The following TRPM8 variants were observed in gnomAD, a reference collection of about 807,000 sequenced individuals.
The protein encoded by TRPM8 is TRPM8 cationic channel.
A neutral mutation model predicts 133.7 loss-of-function variants in TRPM8; 110 were observed. The ratio of observed to expected loss-of-function variants is 0.82; its 90% CI spans 0.70 to 0.96. TRPM8 has a LOEUF of 0.96. Among genes scored for constraint, TRPM8 ranks in the 40% least tolerant of loss-of-function variants. TRPM8 has a pLI of 0.00. For synonymous variants in TRPM8, 535 were observed against 532.3 expected, an observed-to-expected ratio of 1.01 and a Z score of -0.07; for missense variants, 1,291 against 1,379.5, an observed-to-expected ratio of 0.94 and a Z score of 1.02.
At chr2:233,991,930 G>C (rs1692289525) in intron 21 of TRPM8, among the ~76,000 whole-genome samples, 1 of 152,076 alleles carries the variant, frequency 6.6e-6, no homozygotes, top group Non-Finnish European at 1.5e-5. Context: ...ATGATGTTAG[G>C]TTTGTAGAAT....
chr2:233,963,537 T>C lies in TRPM8; in HGVS notation c.1749+160T>C, dbSNP rs932157117. Among the ~76,000 whole-genome samples, 9 of 151,896 alleles carry C rather than the reference T, an allele frequency of 5.9e-5. 1 individual carries two copies. In the South Asian group the frequency reaches 1.9e-3, roughly 32 times the overall value. ...TCTCTGTTCCATGTTGGTGAAGGAG[T>C]GCTTGGGAGGGACCGTCCCCGGAAA... On this transcript the variant is annotated intron_variant, in intron 13 of 25. Transcript: ENST00000324695.
intron 8 of TRPM8, chr2:233,947,595 A>T (rs1691075572): frequency 7.7e-7 from 1 of 1,290,444 alleles, no homozygotes; most frequent in Non-Finnish European, 1.0e-6. Context: ...ATGTTGCATG[A>T]TGGAATTCCA....
At chr2:233,921,205 T>A (rs1177611405) in intron 1 of TRPM8, among the ~76,000 whole-genome samples, 1 of 152,080 alleles carries the variant, frequency 6.6e-6, no homozygotes, top group African/African-American at 2.4e-5. Context: ...GTGTGTATAG[T>A]TTAATGCAAT....
chr2:233,990,523 A>G (rs28901881), intron 21 of TRPM8, among the ~76,000 whole-genome samples: 10,837 of 152,074 alleles, frequency 0.071, 990 homozygotes, highest in African/African-American at 0.21. Flanking sequence ...GTGGCTGTAC[A>G]TGCTAGTACA....
rs1428429812 is a variant in TRPM8 at position 233,989,590 on chromosome 2, G to C, written c.2939+3725G>C. On this transcript the variant is annotated intron_variant, in intron 21 of 25. Coordinates refer to ENST00000324695, the MANE Select transcript of TRPM8 (RefSeq NM_024080.5). This position sits in a 1 kb window ranked among gnomAD's most constrained non-coding sequence, Gnocchi z 4.2. ...AAGTTGTTCAGGGCTTACTCTGTGA[G>C]CAGATGGCCCCAGGATGTGACCCTT... Among the ~76,000 whole-genome samples, 1 of 152,206 alleles carries C rather than the reference G, an allele frequency of 6.6e-6. No homozygotes were observed. Among genetic ancestry groups the C allele is most frequent in the Non-Finnish European group, 1.5e-5 (1 of 68,042 alleles).
rs143749206 is a variant in TRPM8, at chr2:233,937,383, G to A, written c.222G>A (p.Gln74=). 8 of 1,614,044 alleles carry A rather than the reference G, an allele frequency of 5.0e-6. No individual in the cohort carries two copies. In the African/African-American group the frequency reaches 9.3e-5, roughly 19 times the overall value. Residue 74 remains glutamine (Q), a synonymous_variant, in exon 4 of 26, where the codon CAG becomes CAA. Coordinates refer to ENST00000324695, the MANE Select transcript of TRPM8 (RefSeq NM_024080.5). The stretch of plus-strand genomic sequence containing the variant: ...ATGTGTGCAAGTGTGGCTATGCCCA[G>A]AGCCAGCACATGGAAGGCACCCAGA... ...TENVCKCGYA[Q]SQHMEGTQIN...
intron 2 of TRPM8, among the ~76,000 whole-genome samples, chr2:233,928,846 A>G (rs137875517): frequency 6.6e-6 from 1 of 152,144 alleles, no homozygotes; most frequent in South Asian, 2.1e-4. Context: ...TATAACCACT[A>G]TCCTGAATTT....
At chr2:233,967,409 G>A (rs1041138899) in intron 15 of TRPM8, among the ~76,000 whole-genome samples, 1 of 152,212 alleles carries the variant, frequency 6.6e-6, no homozygotes, top group African/African-American at 2.4e-5. Context: ...AAGAGATGGA[G>A]AGACCAACGC....
Position 233,966,699 on chromosome 2 carries a change from C to G in TRPM8, c.1969C>G (p.Leu657Val). Residue 657 changes from leucine to valine, a missense_variant, in exon 15 of 26, where the codon CTG (leucine) becomes GTG (valine). Leu to Val is a conservative substitution (Grantham distance 32, BLOSUM62 1). Transcript: ENST00000324695. ...TGAAGCTTGGGGTGGAAGCAACTGT[C>G]TGGAGCTGGCGGTGGAGGCCACAGA... Reference protein sequence around the residue: ...SCEAWGGSNCLELAVEATDQH... With the variant: ...SCEAWGGSNCVELAVEATDQH... 1 of 1,612,680 alleles carries G rather than the reference C, an allele frequency of 6.2e-7. No individual in the cohort carries two copies. The highest frequency in any genetic ancestry group is 8.5e-7 in the Non-Finnish European group (1 of 1,179,054).
chr2:233,979,266 C>A (rs1421027677), intron 17 of TRPM8, among the ~76,000 whole-genome samples: 1 of 152,160 alleles, frequency 6.6e-6, no homozygotes, highest in Non-Finnish European at 1.5e-5. Context: ...ATCCTCATAC[C>A]GATCTTCGTG....
In TRPM8 at chr2:233,980,128, C is replaced by T. The variant is rs1262083337; in HGVS notation, c.2356-60C>T. ...AGAAAATGAGTGGACATTTAAAAATCTGGAAATGGTTGATATTTCCAAGCT... is the reference window on the plus strand; with the variant it reads ...AGAAAATGAGTGGACATTTAAAAATTTGGAAATGGTTGATATTTCCAAGCT... On this transcript the variant is annotated intron_variant, in intron 17 of 25. Transcript: ENST00000324695. The T allele has an allele frequency of 1.9e-5, 22 of 1,139,212 alleles. No homozygotes were observed. The East Asian group carries it at 5.4e-4, about 28-fold the overall frequency. The allele number at this position is 1,139,212 out of a possible 1,614,324, so 70.6% of individuals were successfully genotyped here.
chr2:233,923,018 C>T (rs950025060), intron 1 of TRPM8, among the ~76,000 whole-genome samples: 4 of 152,126 alleles, frequency 2.6e-5, no homozygotes, highest in Non-Finnish European at 5.9e-5. Flanking sequence ...CAGGCACCCG[C>T]CACCACGCCT....
intron 3 of TRPM8, among the ~76,000 whole-genome samples, chr2:233,933,285 C>T (rs572142727): frequency 1.3e-4 from 20 of 152,266 alleles, no homozygotes; most frequent in African/African-American, 4.8e-4. Context: ...AGCCACTAGC[C>T]ACATCTGGCT....
chr2:234,009,628 C>T (rs980349569), intron 24 of TRPM8, among the ~76,000 whole-genome samples: 1 of 152,114 alleles, frequency 6.6e-6, no homozygotes, highest in Non-Finnish European at 1.5e-5. Flanking sequence ...CAGGAGGTCC[C>T]ACCGCCTCCC....
At chr2:233,939,212 C>A in intron 5 of TRPM8, 37 bp downstream of exon 5, 1 of 1,606,218 alleles carries the variant, frequency 6.2e-7, no homozygotes, top group South Asian at 1.1e-5. Flanking sequence ...TTCTTCCATT[C>A]GGGCTGCACC....
chr2:233,983,893 G>A (rs1009601790), intron 20 of TRPM8, among the ~76,000 whole-genome samples: 3 of 152,090 alleles, frequency 2.0e-5, no homozygotes, highest in Non-Finnish European at 4.4e-5. Context: ...TGTTCCTGTT[G>A]TTTTCTCTGT....
chr2:233,954,450 G>T (rs1691243721), intron 10 of TRPM8, among the ~76,000 whole-genome samples: 1 of 152,136 alleles, frequency 6.6e-6, no homozygotes, highest in Admixed American at 6.5e-5. Flanking sequence ...ATTTCCTGAG[G>T]CTTATGAATG....
intron 1 of TRPM8, among the ~76,000 whole-genome samples, chr2:233,918,989 T>C (rs544286615): frequency 2.6e-5 from 4 of 152,058 alleles, no homozygotes; most frequent in Non-Finnish European, 4.4e-5. Flanking sequence ...ATGAACAAGT[T>C]TTTCCTCTCT....
intron 4 of TRPM8, among the ~76,000 whole-genome samples, chr2:233,938,339 C>G (rs548311581): frequency 2.6e-5 from 4 of 152,340 alleles, no homozygotes; most frequent in Non-Finnish European, 5.9e-5. Context: ...CCCACTCCCC[C>G]CAGTCTGCTT....
Sources: allele counts gnomAD v4.1 joint callset (sites outside exome capture counted in the v4.1 genomes callset), GRCh38; gene constraint gnomAD v4.1.1; non-coding constraint Gnocchi (gnomAD v3.1); transcripts MANE v1.5; gene names NCBI Gene and HGNC (gene_info 2026-07-23, HGNC 2026-07-21).